ZNF354A: variants seen among roughly 807,000 people sequenced by gnomAD.
ZNF354A encodes the protein zinc finger protein 354A.
In ZNF354A, 25 loss-of-function variants were observed where a neutral mutation model predicts 53.3. The ratio of observed to expected loss-of-function variants is 0.47; its 90% CI spans 0.34 to 0.66. The LOEUF (loss-of-function observed/expected upper bound fraction) is 0.66, where lower values mean the gene tolerates loss of function less well. Among genes scored for constraint, ZNF354A ranks in the 30% least tolerant of loss-of-function variants. The probability of loss-of-function intolerance (pLI) is 0.01; values close to 1 mark genes in which losing one functional copy is unlikely to be tolerated. For missense variants in ZNF354A, 586 were observed against 716.8 expected (o/e 0.82, Z 2.08); for synonymous variants, 228 against 249.0 (o/e 0.92, Z 0.79).
intron 4 of ZNF354A, among the ~76,000 whole-genome samples, chr5:178,716,142 A>G (rs1366497426): frequency 6.6e-6 from 1 of 151,900 alleles, no homozygotes; most frequent in Non-Finnish European, 1.5e-5. Context: ...TGTTCCGCCC[A>G]CCTCAGCCTC....
At chr5:178,719,203 T>A (rs1765764490) in intron 4 of ZNF354A, among the ~76,000 whole-genome samples, 1 of 152,242 alleles carries the variant, frequency 6.6e-6, no homozygotes, top group Non-Finnish European at 1.5e-5. Flanking sequence ...ACCTACTATG[T>A]ATTAGGCTCT....
At chr5:178,713,718 T>C in intron 4 of ZNF354A, 97 bp from the exon 5 acceptor site, 1 of 1,384,416 alleles carries the variant, frequency 7.2e-7, no homozygotes, top group Non-Finnish European at 9.5e-7. Flanking sequence ...TGGTGACATT[T>C]AAATAAGACC....
At chr5:178,725,024 C>G (rs1765877980) in intron 4 of ZNF354A, among the ~76,000 whole-genome samples, 1 of 152,244 alleles carries the variant, frequency 6.6e-6, no homozygotes, top group Non-Finnish European at 1.5e-5. Context: ...CAAGCACTTA[C>G]CACGCGGCCC....
intron 4 of ZNF354A, among the ~76,000 whole-genome samples, chr5:178,721,910 C>G (rs1448178508): frequency 2.0e-5 from 3 of 152,188 alleles, no homozygotes; most frequent in African/African-American, 7.2e-5. Context: ...GAATCAAAAC[C>G]TTAAGAGTTA....
chr5:178,723,094 T>G (rs1344646765), intron 4 of ZNF354A, among the ~76,000 whole-genome samples: 1 of 152,024 alleles, frequency 6.6e-6, no homozygotes, highest in East Asian at 1.9e-4. Context: ...AGTGAAGAGG[T>G]AGCCAGGGCC....
chr5:178,712,695 C>A lies in ZNF354A; in HGVS notation c.1183G>T (p.Ala395Ser). 6.2e-7 allele frequency: 1 copy of A among 1,613,550 alleles called. No homozygotes were observed. Among genetic ancestry groups the A allele is most frequent in the Non-Finnish European group, 8.5e-7 (1 of 1,179,636 alleles). Reference sequence around the variant, plus strand: ...ATTCTTTCATGTTGAATAAGAGAGGCACTCTGGCTGAAGGCTCTCCCACAT... The same window carrying A: ...ATTCTTTCATGTTGAATAAGAGAGGAACTCTGGCTGAAGGCTCTCCCACAT... ...SECGRAFSQS[A>S]SLIQHERIHT... Residue 395 changes from alanine (A) to serine (S), a missense_variant, in exon 5 of 5, where the codon GCC becomes TCC. Physicochemically the swap from Ala to Ser is moderately conservative, Grantham distance 99 (BLOSUM62 1). This residue lies in a region of ZNF354A where 573 missense variants were observed against 680.1 expected (regional missense o/e 0.84). Transcript: ENST00000335815.
In ZNF354A at chr5:178,711,758, C is replaced by T. The variant is rs547820408; in HGVS notation, c.*302G>A. 4.1e-5 allele frequency: 9 copies of T among 222,052 alleles called. No individual in the cohort carries two copies. Among genetic ancestry groups the T allele is most frequent in the East Asian group, 9.7e-5 (1 of 10,360 alleles). The allele number at this position is 222,052 out of a possible 1,614,324, so 13.8% of individuals were successfully genotyped here. ...CTCGGATATCTGTTTCTGATGATCACGTGACATCTAGCATATACGTCTGTA... is the reference window on the plus strand; with the variant it reads ...CTCGGATATCTGTTTCTGATGATCATGTGACATCTAGCATATACGTCTGTA... On this transcript the variant is annotated 3_prime_UTR_variant, in exon 5 of 5. Coordinates refer to ENST00000335815, the MANE Select transcript of ZNF354A (RefSeq NM_005649.3).
Position 178,730,577 on chromosome 5 carries a change from G to A in ZNF354A, c.-73C>T, listed in dbSNP as rs1203942394. Reference sequence around the variant, plus strand: ...TCACCTCCCTAAGCTCGAGCGTCCCGGGCCGCGCCTCCCCAGCCGCGAGGC... The same window carrying A: ...TCACCTCCCTAAGCTCGAGCGTCCCAGGCCGCGCCTCCCCAGCCGCGAGGC... On this transcript the variant is annotated 5_prime_UTR_variant, in exon 1 of 5. Coordinates refer to ENST00000335815, the MANE Select transcript of ZNF354A (RefSeq NM_005649.3). 3.3e-5 allele frequency: 5 copies of A among 151,908 alleles called. No individual in the cohort carries two copies. Among genetic ancestry groups the A allele is most frequent in the African/African-American group, 1.2e-4 (5 of 41,418 alleles). 9.4% of individuals were successfully genotyped at this position (151,908 alleles called of 1,614,324 possible).
chr5:178,717,985 G>C (rs1372183020), intron 4 of ZNF354A, among the ~76,000 whole-genome samples: 2 of 152,168 alleles, frequency 1.3e-5, no homozygotes. Flanking sequence ...TGAGAAAATA[G>C]AAACATCAAG....
chr5:178,722,386 A>T (rs886743307), intron 4 of ZNF354A, among the ~76,000 whole-genome samples: 1 of 152,170 alleles, frequency 6.6e-6, no homozygotes, highest in Non-Finnish European at 1.5e-5. Flanking sequence ...TTAATCTAAA[A>T]CCAAATTTAC....
chr5:178,725,547 T>A, intron 3 of ZNF354A, 76 bp from the exon 4 acceptor site: 1 of 1,454,274 alleles, frequency 6.9e-7, no homozygotes, highest in South Asian at 1.2e-5. Flanking sequence ...CAAATTTAAA[T>A]ACAGAACTCA....
At chr5:178,726,089 G>A (rs893620223) in intron 3 of ZNF354A, 23 of 438,044 alleles carry the variant, frequency 5.3e-5, no homozygotes, top group Admixed American at 1.7e-4. Flanking sequence ...TGATCTGCCC[G>A]CCTCGGCCTC....
At chr5:178,721,412 TATC>T (rs1561619306) in intron 4 of ZNF354A, among the ~76,000 whole-genome samples, 1 of 152,222 alleles carries the variant, frequency 6.6e-6, no homozygotes, top group Non-Finnish European at 1.5e-5. Flanking sequence ...AATGCAGTAT[TATC>T]ATCTATGGGA....
intron 1 of ZNF354A, among the ~76,000 whole-genome samples, chr5:178,730,114 T>C (rs62392852): frequency 0.24 from 36,563 of 150,230 alleles, 5,091 homozygotes; most frequent in South Asian, 0.35. Flanking sequence ...ATCCACCCGC[T>C]TCGGCCTCCC....
In ZNF354A at chr5:178,713,350, C is replaced by T. The variant is rs377403210; in HGVS notation, c.528G>A (p.Arg176=). ...QNFSPKSVLI[R]QQILPREKTP... ...TTTTTTCTCTGGGAAGTATCTGTTG[C>T]CTAATAAGCACTGACTTTGGGCTGA... The change falls in exon 5 of 5, where the codon AGG becomes AGA. Residue 176 remains arginine, a synonymous_variant. Transcript: ENST00000335815. 62 of 1,613,946 alleles carry T rather than the reference C, an allele frequency of 3.8e-5. No individual in the cohort carries two copies. The African/African-American group carries it at 6.9e-4, about 18-fold the overall frequency.
intron 4 of ZNF354A, among the ~76,000 whole-genome samples, chr5:178,721,320 G>A (rs1366032876): frequency 1.3e-5 from 2 of 152,112 alleles, no homozygotes; most frequent in African/African-American, 4.8e-5. Context: ...ATGTTACTTA[G>A]CTGAATACTG....
Position 178,712,957 on chromosome 5 carries a change from G to A in ZNF354A, c.921C>T (p.Phe307=). 1 of 1,614,082 alleles carries A rather than the reference G, an allele frequency of 6.2e-7. No individual in the cohort carries two copies. Among genetic ancestry groups the A allele is most frequent in the Non-Finnish European group, 8.5e-7 (1 of 1,179,998 alleles). The part of the protein sequence containing the change: ...SYRCKECGKS[F]SRRSGLFIHQ... The stretch of plus-strand genomic sequence containing the variant: ...GTATAAAAAGGCCTGACCTTCGGCT[G>A]AAGGATTTACCACATTCTTTACATC... Residue 307 remains phenylalanine, a synonymous_variant, in exon 5 of 5, where the codon TTC becomes TTT. Coordinates refer to ENST00000335815, the MANE Select transcript of ZNF354A (RefSeq NM_005649.3).
chr5:178,728,444 G>T (rs13186580), intron 2 of ZNF354A, among the ~76,000 whole-genome samples: 1 of 151,782 alleles, frequency 6.6e-6, no homozygotes, highest in Non-Finnish European at 1.5e-5. Flanking sequence ...TGGTAACATA[G>T]ATGGTAACAT....
At chr5:178,728,647 C>A (rs1765959217) in intron 2 of ZNF354A, among the ~76,000 whole-genome samples, 1 of 150,396 alleles carries the variant, frequency 6.6e-6, no homozygotes, top group African/African-American at 2.4e-5. Context: ...AAAAAAAAAA[C>A]TTAGCCGGGC....
Sources: allele counts gnomAD v4.1 joint callset (sites outside exome capture counted in the v4.1 genomes callset), GRCh38; gene constraint gnomAD v4.1.1; regional missense constraint gnomAD v4.1.1; transcripts MANE v1.5; gene names NCBI Gene and HGNC (gene_info 2026-07-23, HGNC 2026-07-21).